Variants in RNGTT observed in about 807,000 individuals in gnomAD.
RNGTT encodes RNA guanylyltransferase and 5'-phosphatase, also known as mRNA-capping enzyme.
In RNGTT, 33 loss-of-function variants were observed where a neutral mutation model predicts 79.3. The ratio of observed to expected loss-of-function variants is 0.42; its 90% confidence interval spans 0.32 to 0.56. The LOEUF (loss-of-function observed/expected upper bound fraction) is 0.56, where lower values mean the gene tolerates loss of function less well. Ranked by LOEUF, RNGTT falls within the 20% of genes least tolerant of loss-of-function variation. RNGTT has a pLI of 0.17. For missense variants in RNGTT, 497 were observed against 739.1 expected (o/e 0.67, Z 3.80); for synonymous variants, 222 against 235.9 (o/e 0.94, Z 0.54).
chr6:88,832,930 T>C (rs1562275812), intron 11 of RNGTT, among the ~76,000 whole-genome samples: 1 of 152,120 alleles, frequency 6.6e-6, no homozygotes, highest in Non-Finnish European at 1.5e-5. Flanking sequence ...AAACAACAGA[T>C]GCTGGAGAGG....
chr6:88,908,744 G>A (rs1031291704), intron 4 of RNGTT, among the ~76,000 whole-genome samples: 1 of 152,186 alleles, frequency 6.6e-6, no homozygotes. Flanking sequence ...CTGAGTGGCT[G>A]CAGGTCCTGC....
intron 14 of RNGTT, among the ~76,000 whole-genome samples, chr6:88,651,371 C>A (rs1773791670): frequency 6.6e-6 from 1 of 152,116 alleles, no homozygotes; most frequent in Admixed American, 6.5e-5. Context: ...ACTATGTTGT[C>A]ATCTTCCCCA....
At chr6:88,936,647 C>T (rs1439579916) in intron 2 of RNGTT, among the ~76,000 whole-genome samples, 1 of 152,114 alleles carries the variant, frequency 6.6e-6, no homozygotes, top group African/African-American at 2.4e-5. Context: ...TGGTGTTTGT[C>T]CTTCATTCTA....
chr6:88,807,848 C>T (rs1780010565), intron 11 of RNGTT, among the ~76,000 whole-genome samples: 1 of 152,032 alleles, frequency 6.6e-6, no homozygotes, highest in Admixed American at 6.6e-5. Context: ...ATAAGATTGA[C>T]AGCAGACTCC....
At chr6:88,614,170 A>T in intron 15 of RNGTT, 102 bp downstream of exon 15, 1 of 1,087,704 alleles carries the variant, frequency 9.2e-7, no homozygotes, top group Non-Finnish European at 1.4e-6. Flanking sequence ...AGTCCAAATG[A>T]CTATGCCCCA....
At chr6:88,617,714 G>A (rs1267634150) in intron 14 of RNGTT, among the ~76,000 whole-genome samples, 8 of 151,928 alleles carry the variant, frequency 5.3e-5, no homozygotes. Context: ...TTTAATTTCT[G>A]CAAAAAATAC....
intron 11 of RNGTT, among the ~76,000 whole-genome samples, chr6:88,818,755 G>C (rs1780408235): frequency 6.6e-6 from 1 of 152,068 alleles, no homozygotes; most frequent in African/African-American, 2.4e-5. Flanking sequence ...ATCAACAAGA[G>C]AAAAATAAAT....
intron 2 of RNGTT, among the ~76,000 whole-genome samples, chr6:88,930,346 A>C (rs1040343499): frequency 1.3e-5 from 2 of 151,822 alleles, no homozygotes; most frequent in Non-Finnish European, 2.9e-5. Flanking sequence ...AAGGTTAAAA[A>C]TAGAGACAAT....
At chr6:88,736,302 G>A (rs1414121314) in intron 13 of RNGTT, among the ~76,000 whole-genome samples, 1 of 152,086 alleles carries the variant, frequency 6.6e-6, no homozygotes, top group African/African-American at 2.4e-5. Flanking sequence ...AAGCAGAGAG[G>A]ATACTTCCTA....
intron 4 of RNGTT, among the ~76,000 whole-genome samples, chr6:88,925,922 A>G (rs1191537214): frequency 6.6e-6 from 1 of 152,154 alleles, no homozygotes; most frequent in Non-Finnish European, 1.5e-5. Flanking sequence ...ATCCTTAGAC[A>G]TTTTGATTAC....
intron 13 of RNGTT, among the ~76,000 whole-genome samples, chr6:88,730,533 T>C (rs1044008985): frequency 2.6e-5 from 4 of 152,210 alleles, no homozygotes; most frequent in Non-Finnish European, 5.9e-5. Flanking sequence ...AAAGAAAATT[T>C]TATATTCAAG....
Position 88,614,341 on chromosome 6 carries a change from T to G in RNGTT, c.1561A>C (p.Asn521His). 1 of 1,613,806 alleles carries G rather than the reference T, an allele frequency of 6.2e-7. No individual in the cohort carries two copies. Among genetic ancestry groups the G allele is most frequent in the South Asian group, 1.1e-5 (1 of 91,060 alleles). The stretch of plus-strand genomic sequence containing the variant: ...TGTCTCATGAAGACCCAGCTGTTGT[T>G]CTCAAATTTGCATTCTATAATTTTG... ...DNKIIECKFE[N>H]NSWVFMRQRT... The change falls in exon 15 of 16, where the codon AAC becomes CAC. Residue 521 changes from asparagine (N) to histidine (H), a missense_variant. Asn to His is a moderately conservative substitution (Grantham distance 68). Around this residue, in one of 3 missense-constraint regions of RNGTT, gnomAD observed 440 missense variants for 671.5 expected, o/e 0.66. Coordinates refer to ENST00000369485, the MANE Select transcript of RNGTT (RefSeq NM_003800.5).
intron 2 of RNGTT, among the ~76,000 whole-genome samples, chr6:88,935,169 C>A (rs1784627311): frequency 6.6e-6 from 1 of 152,112 alleles, no homozygotes; most frequent in African/African-American, 2.4e-5. Flanking sequence ...TTTCCCAGCA[C>A]CATTTATTAA....
At chr6:88,620,922 A>T (rs1454882600) in intron 14 of RNGTT, among the ~76,000 whole-genome samples, 1 of 152,212 alleles carries the variant, frequency 6.6e-6, no homozygotes, top group Admixed American at 6.5e-5. Context: ...AAAAAAATCA[A>T]GGTGTAACAG....
At chr6:88,698,412 T>C (rs1775830949) in intron 13 of RNGTT, among the ~76,000 whole-genome samples, 1 of 149,958 alleles carries the variant, frequency 6.7e-6, no homozygotes, top group Non-Finnish European at 1.5e-5. Context: ...CCTTATCATT[T>C]TCATGACTGT....
intron 12 of RNGTT, among the ~76,000 whole-genome samples, chr6:88,787,894 T>C (rs1437580823): frequency 6.6e-6 from 1 of 152,212 alleles, no homozygotes; most frequent in East Asian, 1.9e-4. Flanking sequence ...GACAGCTAGA[T>C]TTCTGATTTA....
At chr6:88,683,022 A>ATC (rs1366185233) in intron 13 of RNGTT, among the ~76,000 whole-genome samples, 1 of 152,196 alleles carries the variant, frequency 6.6e-6, no homozygotes, top group Non-Finnish European at 1.5e-5. Context: ...AAATATATAT[A>ATC]TGAAAAAGAA....
At chr6:88,777,312 T>C (rs1778921327) in intron 12 of RNGTT, among the ~76,000 whole-genome samples, 1 of 152,214 alleles carries the variant, frequency 6.6e-6, no homozygotes, top group African/African-American at 2.4e-5. Flanking sequence ...TTCTCAAAAT[T>C]GCTTTGGCTT....
intron 14 of RNGTT, among the ~76,000 whole-genome samples, chr6:88,651,362 C>T (rs1270519127): frequency 6.6e-6 from 1 of 152,064 alleles, no homozygotes; most frequent in East Asian, 1.9e-4. Context: ...CATAATGTAA[C>T]TATGTTGTCA....
Sources: gnomAD v4.1 joint callset for allele counts (sites outside exome capture counted in the v4.1 genomes callset) on GRCh38, gnomAD v4.1.1 for gene constraint, gnomAD v4.1.1 regional missense constraint, MANE v1.5 for transcripts, NCBI Gene and HGNC (gene_info 2026-07-23, HGNC 2026-07-21) for gene names.